Variants in ADAD1 observed in about 807,000 individuals in gnomAD.
ADAD1 encodes the protein adenosine deaminase domain-containing protein 1.
In ADAD1, 46 loss-of-function variants were observed where a neutral mutation model predicts 66.8. The ratio of observed to expected loss-of-function variants is 0.69; its 90% CI spans 0.54 to 0.88. ADAD1 has a LOEUF of 0.88. ADAD1 is among the 40% of genes least tolerant of loss of function. The pLI is 0.00. For synonymous variants in ADAD1, 248 were observed against 229.4 expected (o/e 1.08, Z -0.73); for missense variants, 617 against 681.8 (o/e 0.91, Z 1.06).
At chr4:122,406,318 G>A (rs1346147267) in intron 7 of ADAD1, among the ~76,000 whole-genome samples, 2 of 152,142 alleles carry the variant, frequency 1.3e-5, no homozygotes, top group Non-Finnish European at 1.5e-5. Context: ...CTGGTGATTA[G>A]TGATGTTGAG....
intron 4 of ADAD1, among the ~76,000 whole-genome samples, chr4:122,383,384 T>G (rs1308324857): frequency 6.6e-6 from 1 of 152,226 alleles, no homozygotes; most frequent in Non-Finnish European, 1.5e-5. Flanking sequence ...TCAGCTTTCT[T>G]TGTTTTAAAG....
At chr4:122,420,810 G>A (rs1330722886) in intron 11 of ADAD1, among the ~76,000 whole-genome samples, 2 of 152,098 alleles carry the variant, frequency 1.3e-5, no homozygotes, top group Non-Finnish European at 2.9e-5. Context: ...ATGTGTATAT[G>A]TTACACTTTT....
At chr4:122,385,510 TG>T (rs1418345482) in intron 5 of ADAD1, among the ~76,000 whole-genome samples, 2 of 152,182 alleles carry the variant, frequency 1.3e-5, no homozygotes, top group Non-Finnish European at 2.9e-5. Context: ...TGACCTCAAG[TG>T]ATCCTCCCAC....
chr4:122,429,518 C>A, intron 12 of ADAD1, 108 bp from the exon 13 acceptor site: 3 of 603,004 alleles, frequency 5.0e-6, no homozygotes, highest in Non-Finnish European at 5.6e-6. Flanking sequence ...TTAAAAAAGA[C>A]TTTGATTAAC....
At chr4:122,413,791 G>A (rs1185918390) in intron 10 of ADAD1, among the ~76,000 whole-genome samples, 1 of 149,276 alleles carries the variant, frequency 6.7e-6, no homozygotes, top group Admixed American at 6.7e-5. Context: ...TTTGCTTAGT[G>A]GTAGAGCCTG....
chr4:122,409,060 A>G (rs2150576585), intron 8 of ADAD1, among the ~76,000 whole-genome samples: 1 of 152,284 alleles, frequency 6.6e-6, no homozygotes, highest in East Asian at 1.9e-4. Context: ...GTTTTTATTC[A>G]TGAGGATTAC....
At chr4:122,381,965 A>G (rs1348475911) in intron 4 of ADAD1, among the ~76,000 whole-genome samples, 1 of 152,202 alleles carries the variant, frequency 6.6e-6, no homozygotes, top group African/African-American at 2.4e-5. Context: ...TAACTTTAAC[A>G]TGTCAAGATT....
chr4:122,379,942 T>A, intron 2 of ADAD1, 120 bp from the exon 3 acceptor site: 1 of 958,562 alleles, frequency 1.0e-6, no homozygotes, highest in Admixed American at 2.9e-5. Flanking sequence ...TTGACTCTAG[T>A]CATCTGAATA....
intron 4 of ADAD1, among the ~76,000 whole-genome samples, chr4:122,383,215 C>T (rs1561529255): frequency 6.6e-6 from 1 of 152,028 alleles, no homozygotes; most frequent in Non-Finnish European, 1.5e-5. Flanking sequence ...GTTTTCTCTT[C>T]CTCTCTCTCC....
At chr4:122,423,518 A>G (rs1395540419) in intron 12 of ADAD1, among the ~76,000 whole-genome samples, 1 of 152,232 alleles carries the variant, frequency 6.6e-6, no homozygotes, top group Non-Finnish European at 1.5e-5. Context: ...CAAGTTGATC[A>G]GAAGATGGTA....
At chr4:122,418,536 A>G (rs1796858376) in intron 11 of ADAD1, among the ~76,000 whole-genome samples, 1 of 151,990 alleles carries the variant, frequency 6.6e-6, no homozygotes, top group Non-Finnish European at 1.5e-5. Context: ...GTTATCCAGG[A>G]TGGTCTCTAT....
intron 7 of ADAD1, among the ~76,000 whole-genome samples, chr4:122,401,047 G>A (rs895643309): frequency 6.6e-6 from 1 of 151,882 alleles, no homozygotes; most frequent in Non-Finnish European, 1.5e-5. Context: ...CTGTGTTTGG[G>A]TTTGGTTTGT....
Position 122,421,410 on chromosome 4 carries a change from A to G in ADAD1, c.1617+20A>G, listed in dbSNP as rs1288391340. ...GCTAAGGTAAGTCCTTAAAGGAATAAAGTTATCATAGGAATAAAATTTAAG... is the reference window on the plus strand; with the variant it reads ...GCTAAGGTAAGTCCTTAAAGGAATAGAGTTATCATAGGAATAAAATTTAAG... On this transcript the variant is annotated intron_variant, in intron 12 of 12. Transcript: ENST00000296513. The G allele has an allele frequency of 2.0e-6, 3 of 1,508,012 alleles. No homozygotes were observed. The highest frequency in any genetic ancestry group is 2.7e-6 in the Non-Finnish European group (3 of 1,116,782). The allele number at this position is 1,508,012 out of a possible 1,614,324, so 93.4% of individuals were successfully genotyped here.
At chr4:122,392,574 G>T (rs931934810) in intron 5 of ADAD1, among the ~76,000 whole-genome samples, 2 of 152,154 alleles carry the variant, frequency 1.3e-5, no homozygotes, top group African/African-American at 4.8e-5. Flanking sequence ...GGGAGGTGGG[G>T]GTAAAAGAAA....
chr4:122,387,668 A>G (rs1795236673), intron 5 of ADAD1, among the ~76,000 whole-genome samples: 1 of 151,178 alleles, frequency 6.6e-6, no homozygotes. Flanking sequence ...TCAATATTAT[A>G]TTGGCTTTGG....
At chr4:122,419,615 T>C (rs1159112048) in intron 11 of ADAD1, among the ~76,000 whole-genome samples, 1 of 152,130 alleles carries the variant, frequency 6.6e-6, no homozygotes, top group Non-Finnish European at 1.5e-5. Context: ...AATTGCTGTA[T>C]AAAAGATCAG....
chr4:122,407,853 AT>A, intron 7 of ADAD1, 54 bp from the exon 8 acceptor site: 2 of 1,583,788 alleles, frequency 1.3e-6, no homozygotes, highest in Non-Finnish European at 1.7e-6. Flanking sequence ...TAAGAGGTGA[AT>A]GTAGGGAAGA....
At chr4:122,412,467 A>G (rs1294800009) in intron 9 of ADAD1, 113 bp from the exon 10 acceptor site, 2 of 837,864 alleles carry the variant, frequency 2.4e-6, no homozygotes, top group Admixed American at 2.5e-5. Context: ...TGTTACTGGA[A>G]TTAAATGTAC....
intron 7 of ADAD1, among the ~76,000 whole-genome samples, chr4:122,402,470 C>T (rs1288987657): frequency 6.6e-6 from 1 of 152,014 alleles, no homozygotes; most frequent in Non-Finnish European, 1.5e-5. Context: ...TGACTTTGTG[C>T]CTGGGTGATG....
Sources: gnomAD v4.1 joint callset for allele counts (sites outside exome capture counted in the v4.1 genomes callset) on GRCh38, gnomAD v4.1.1 for gene constraint, MANE v1.5 for transcripts, NCBI Gene and HGNC (gene_info 2026-07-23, HGNC 2026-07-21) for gene names.